CASP9: variants seen among roughly 807,000 people sequenced by gnomAD.
CASP9 encodes the protein caspase 9, also known as caspase-9.
CASP9 carries 29 observed loss-of-function variants against 43.5 expected under a neutral mutation model. That is an observed-to-expected ratio of 0.67 (90% CI 0.50 to 0.91). CASP9 has a LOEUF of 0.91. Among genes scored for constraint, CASP9 ranks in the 40% least tolerant of loss-of-function variants. The probability of loss-of-function intolerance (pLI) is 0.00; values close to 1 mark genes in which losing one functional copy is unlikely to be tolerated. For missense variants in CASP9, 575 were observed against 537.4 expected (o/e 1.07, Z -0.69); for synonymous variants, 206 against 211.9 (o/e 0.97, Z 0.24).
intron 5 of CASP9, among the ~76,000 whole-genome samples, chr1:15,505,477 G>A (rs932630992): frequency 6.6e-6 from 1 of 152,152 alleles, no homozygotes; most frequent in African/African-American, 2.4e-5. Context: ...AGACCACAGG[G>A]GGACTCCAGG....
chr1:15,521,164 A>G (rs1710180651), intron 1 of CASP9, among the ~76,000 whole-genome samples: 1 of 151,742 alleles, frequency 6.6e-6, no homozygotes, highest in Admixed American at 6.6e-5. Flanking sequence ...CTCAAAAAAA[A>G]AAAAAAAAAA....
upstream of CASP9, chr1:15,524,591 A>ACTGACCTCACGTCT: frequency 5.7e-6 from 3 of 525,470 alleles, no homozygotes; most frequent in Non-Finnish European, 6.4e-6. Context: ...ACCTCACGTC[A>ACTGACCTCACGTCT]CCGCCCCGCC....
chr1:15,516,998 T>C (rs1321434582), intron 2 of CASP9, among the ~76,000 whole-genome samples: 1 of 152,178 alleles, frequency 6.6e-6, no homozygotes, highest in African/African-American at 2.4e-5. Context: ...TTAAATTAGA[T>C]CATTTATGTA....
chr1:15,510,789 T>C (rs1193931094), intron 2 of CASP9, among the ~76,000 whole-genome samples: 2 of 151,968 alleles, frequency 1.3e-5, no homozygotes, highest in African/African-American at 4.8e-5. Context: ...TCTCCTGAAA[T>C]GGCCACTCCC....
upstream of CASP9, chr1:15,524,653 C>G: frequency 9.4e-7 from 1 of 1,059,158 alleles, no homozygotes; most frequent in Non-Finnish European, 1.1e-6. Context: ...TCGCCCCGCC[C>G]CAAGGATTCG....
chr1:15,500,470 C>G (rs923352126), intron 6 of CASP9, among the ~76,000 whole-genome samples: 1 of 152,208 alleles, frequency 6.6e-6, no homozygotes, highest in African/African-American at 2.4e-5. Context: ...ACCTCTTACC[C>G]CACACAGCTA....
chr1:15,495,571 G>T, intron 6 of CASP9, 119 bp from the exon 7 acceptor site: 1 of 937,708 alleles, frequency 1.1e-6, no homozygotes, highest in South Asian at 2.3e-5. Context: ...TAAATCTTGG[G>T]ACCCCAAACT....
chr1:15,506,238 C>T (rs1709515367), intron 4 of CASP9, among the ~76,000 whole-genome samples, 159 bp from the exon 5 acceptor site: 3 of 151,802 alleles, frequency 2.0e-5, no homozygotes. Flanking sequence ...CATTTGAGGT[C>T]ACGAGTTCGA....
At chr1:15,509,079 C>G (rs1240745711) in intron 2 of CASP9, among the ~76,000 whole-genome samples, 1 of 152,194 alleles carries the variant, frequency 6.6e-6, no homozygotes, top group African/African-American at 2.4e-5. Context: ...AAATCAGACA[C>G]CATCTCCTCA....
chr1:15,521,560 C>T (rs142428868), intron 1 of CASP9, among the ~76,000 whole-genome samples: 1,701 of 152,348 alleles, frequency 0.011, 11 homozygotes, highest in Non-Finnish European at 0.018. Flanking sequence ...AAAACGCTGA[C>T]ATATGCTGCC....
rs1388706382 is a variant in CASP9, at chr1:15,504,701, C to T, written c.778G>A (p.Val260Ile). 1.2e-6 allele frequency: 2 copies of T among 1,614,084 alleles called. No individual in the cohort carries two copies. The highest frequency in any genetic ancestry group is 1.3e-5 in the African/African-American group (1 of 74,932). Reference protein sequence around the residue: ...VYGTDGCPVSVEKIVNIFNGT... With the variant: ...VYGTDGCPVSIEKIVNIFNGT... ...TTGAAGATGTTCACAATCTTCTCGACCGACACAGGGCATCCATCTGTGCCG... is the reference window on the plus strand; with the variant it reads ...TTGAAGATGTTCACAATCTTCTCGATCGACACAGGGCATCCATCTGTGCCG... The change falls in exon 6 of 9, where the codon GTC becomes ATC. Residue 260 changes from valine to isoleucine, a missense_variant. Coordinates refer to ENST00000333868, the MANE Select transcript of CASP9 (RefSeq NM_001229.5).
intron 7 of CASP9, 47 bp downstream of exon 7, chr1:15,495,226 C>A (rs377236397): frequency 1.7e-5 from 26 of 1,558,520 alleles, no homozygotes; most frequent in Middle Eastern, 1.7e-4. Context: ...CTAGGGCAGA[C>A]GGGAAGACCC....
rs1406807776 is a variant in CASP9, at chr1:15,512,579, C to T, written c.419-4672G>A. ...GAACTACACCACCAGCTTTCCTGGT[C>T]TCCAACTTGCAGATGGCAGATCTTG... On this transcript the variant is annotated intron_variant, in intron 2 of 8. Transcript: ENST00000333868. Among the ~76,000 whole-genome samples the T allele has an allele frequency of 2.0e-5, 3 of 152,188 alleles. No individual in the cohort carries two copies. The East Asian group carries it at 5.8e-4, about 29-fold the overall frequency.
intron 2 of CASP9, among the ~76,000 whole-genome samples, chr1:15,508,990 T>C (rs555137768): frequency 5.6e-4 from 86 of 152,304 alleles, no homozygotes; most frequent in Non-Finnish European, 1.1e-3. Context: ...CACATGCAAA[T>C]GGCACACCTA....
At chr1:15,516,474 C>A (rs1393448212) in intron 2 of CASP9, among the ~76,000 whole-genome samples, 3 of 74,756 alleles carry the variant, frequency 4.0e-5, no homozygotes, top group African/African-American at 1.5e-4. Flanking sequence ...GAAGACCTTG[C>A]CTCAATTAAA....
rs769757372 is a variant in CASP9, at chr1:15,522,440, G to A, written c.132+1629C>T. ...TTTTTTAAGATGTGAAAGCTGGGCC[G>A]GGTACAGTGGCTCACACCTGTAATC... On this transcript the variant is annotated intron_variant, in intron 1 of 8. Transcript: ENST00000333868. Among the ~76,000 whole-genome samples the A allele has an allele frequency of 6.6e-5, 10 of 152,182 alleles. 1 individual carries two copies. Among genetic ancestry groups the A allele is most frequent in the East Asian group, 1.9e-4 (1 of 5,198 alleles).
intron 8 of CASP9, chr1:15,493,488 G>A (rs1708969807): frequency 4.6e-6 from 6 of 1,306,742 alleles, no homozygotes; most frequent in East Asian, 3.0e-5. Flanking sequence ...AGAAGGCGAT[G>A]TACAAGGAGG....
At chr1:15,501,644 G>A (rs1709335047) in intron 6 of CASP9, among the ~76,000 whole-genome samples, 1 of 152,220 alleles carries the variant, frequency 6.6e-6, no homozygotes. Flanking sequence ...GGCAAAGCAA[G>A]GACCCGACTC....
At chr1:15,493,636 A>G in intron 8 of CASP9, 3 of 1,443,120 alleles carry the variant, frequency 2.1e-6, no homozygotes, top group Non-Finnish European at 2.7e-6. Context: ...TCAGTGGAGG[A>G]GCGGGAGGTG....
Sources: gnomAD v4.1 joint callset for allele counts (sites outside exome capture counted in the v4.1 genomes callset) on GRCh38, gnomAD v4.1.1 for gene constraint, MANE v1.5 for transcripts, NCBI Gene and HGNC (gene_info 2026-07-23, HGNC 2026-07-21) for gene names.